Variants in COL25A1 observed in about 807,000 individuals in gnomAD.
COL25A1 encodes collagen type XXV alpha 1 chain, also known as collagen alpha-1(XXV) chain.
COL25A1 carries 103 observed loss-of-function variants against 128.4 expected under a neutral mutation model. The observed-to-expected ratio is 0.80, with a 90% CI of 0.68 to 0.94. COL25A1 has a LOEUF of 0.94. Ranked by LOEUF, COL25A1 falls within the 40% of genes least tolerant of loss-of-function variation. The probability of loss-of-function intolerance (pLI) is 0.00; values close to 1 mark genes in which losing one functional copy is unlikely to be tolerated. For synonymous variants in COL25A1, 279 were observed against 277.2 expected (o/e 1.01, Z -0.06); for missense variants, 745 against 840.0 (o/e 0.89, Z 1.40).
rs114478677 is a variant in COL25A1 at position 109,019,887 on chromosome 4, C to T, written c.421-9512G>A. On this transcript the variant is annotated intron_variant, in intron 5 of 37. Transcript: ENST00000399132. The stretch of plus-strand genomic sequence containing the variant: ...GAGAAGCACGAAAGTTCCATATTGA[C>T]GAAAAATTACTTTCTAGTTTGATTT... Among the ~76,000 whole-genome samples the T allele has an allele frequency of 7.2e-3, 1,102 of 152,188 alleles. 10 individuals are homozygous for T. Among genetic ancestry groups the T allele is most frequent in the Non-Finnish European group, 9.9e-3 (670 of 68,008 alleles).
chr4:109,003,013 A>C (rs987510384), intron 6 of COL25A1, among the ~76,000 whole-genome samples: 17 of 152,102 alleles, frequency 1.1e-4, no homozygotes, highest in African/African-American at 4.1e-4. Context: ...CCCACTTATG[A>C]GTGAGGACAT....
chr4:109,087,865 C>T (rs982629310), intron 3 of COL25A1, among the ~76,000 whole-genome samples: 7 of 151,970 alleles, frequency 4.6e-5, no homozygotes, highest in African/African-American at 1.4e-4. Flanking sequence ...GAGATATACA[C>T]TGTTCTGTGA....
intron 3 of COL25A1, among the ~76,000 whole-genome samples, chr4:109,168,444 A>G (rs1268538730): frequency 6.6e-6 from 1 of 152,218 alleles, no homozygotes; most frequent in Non-Finnish European, 1.5e-5. Flanking sequence ...ATAAGTTATG[A>G]TTCTTCCTTT....
chr4:108,971,497 G>T (rs1233248554), intron 8 of COL25A1, among the ~76,000 whole-genome samples: 1 of 152,202 alleles, frequency 6.6e-6, no homozygotes. Context: ...AAGTTTCAAT[G>T]ATAAGAAGAA....
At chr4:109,282,405 G>A (rs1166393809) in intron 3 of COL25A1, among the ~76,000 whole-genome samples, 1 of 152,116 alleles carries the variant, frequency 6.6e-6, no homozygotes, top group Non-Finnish European at 1.5e-5. Flanking sequence ...AATGGAGCCA[G>A]TAGCAGAAGT....
chr4:108,910,825 T>A (rs1257727818), intron 13 of COL25A1, among the ~76,000 whole-genome samples: 1 of 152,210 alleles, frequency 6.6e-6, no homozygotes, highest in Non-Finnish European at 1.5e-5. Flanking sequence ...CAGCAGTTAA[T>A]AAACACTGGA....
chr4:108,874,764 G>A (rs1739231020), intron 19 of COL25A1, among the ~76,000 whole-genome samples: 2 of 152,290 alleles, frequency 1.3e-5, no homozygotes, highest in South Asian at 4.1e-4. Flanking sequence ...TAAGAAAAAT[G>A]AGGGAAAGAC....
At chr4:108,934,637 T>G (rs1266680116) in intron 11 of COL25A1, among the ~76,000 whole-genome samples, 1 of 152,160 alleles carries the variant, frequency 6.6e-6, no homozygotes, top group Non-Finnish European at 1.5e-5. Flanking sequence ...AAAGATAGAT[T>G]TTTAGATTGG....
rs147991309 is a variant in COL25A1, at chr4:109,043,263, CA to C, written c.420+4904del. Among the ~76,000 whole-genome samples the C allele has an allele frequency of 5.4e-3, 818 of 152,186 alleles. 9 individuals are homozygous for C. The highest frequency in any genetic ancestry group is 0.019 in the African/African-American group (782 of 41,532). ...ACACAATTTGACTTAAAAATCTTAT[CA>C]TTTTTTTCATTATGAAGTAAAGGTA... On this transcript the variant is annotated intron_variant, in intron 5 of 37. Transcript: ENST00000399132.
At chr4:108,859,965 T>TA (rs138386690) in intron 23 of COL25A1, among the ~76,000 whole-genome samples, 5,249 of 152,282 alleles carry the variant, frequency 0.034, 307 homozygotes, top group African/African-American at 0.12. Context: ...TGAAATCTGA[T>TA]AAAAAATACG....
intron 3 of COL25A1, among the ~76,000 whole-genome samples, chr4:109,096,474 G>A (rs939258135): frequency 7.8e-6 from 1 of 127,812 alleles, no homozygotes; most frequent in African/African-American, 3.1e-5. Flanking sequence ...GTAACATGCT[G>A]TACAGGTTGG....
chr4:109,178,687 T>C (rs1348562977), intron 3 of COL25A1, among the ~76,000 whole-genome samples: 1 of 151,582 alleles, frequency 6.6e-6, no homozygotes, highest in Non-Finnish European at 1.5e-5. Context: ...ACAAAAAAAT[T>C]AGCCAGGTGT....
chr4:108,861,424 G>T (rs1183869046), intron 22 of COL25A1, among the ~76,000 whole-genome samples: 2 of 152,146 alleles, frequency 1.3e-5, no homozygotes, highest in Non-Finnish European at 1.5e-5. Context: ...TCATTCTAGG[G>T]AGAATTAGGA....
At chr4:109,125,451 C>A (rs1768505031) in intron 3 of COL25A1, among the ~76,000 whole-genome samples, 1 of 152,114 alleles carries the variant, frequency 6.6e-6, no homozygotes, top group South Asian at 2.1e-4. Context: ...TTTTCATGCT[C>A]ACACTGAACC....
chr4:109,233,386 T>C (rs1237536307), intron 3 of COL25A1, among the ~76,000 whole-genome samples: 1 of 152,306 alleles, frequency 6.6e-6, no homozygotes, highest in East Asian at 1.9e-4. Context: ...ACTGTCATAT[T>C]CATTCTGATC....
chr4:108,952,237 T>C (rs1225265273), intron 8 of COL25A1, among the ~76,000 whole-genome samples: 4 of 152,298 alleles, frequency 2.6e-5, no homozygotes, highest in Non-Finnish European at 4.4e-5. Context: ...TGATCAATTA[T>C]CTGGTATACA....
intron 3 of COL25A1, among the ~76,000 whole-genome samples, chr4:109,051,421 T>C (rs1328034133): frequency 6.6e-6 from 1 of 152,168 alleles, no homozygotes; most frequent in Non-Finnish European, 1.5e-5. Context: ...GAATAAGCTT[T>C]GTAGCAAAGT....
At chr4:109,014,224 T>C (rs1457863817) in intron 5 of COL25A1, among the ~76,000 whole-genome samples, 1 of 152,106 alleles carries the variant, frequency 6.6e-6, no homozygotes, top group Non-Finnish European at 1.5e-5. Context: ...AGAGAATCAC[T>C]TGAGTCCGGG....
chr4:109,194,887 T>C (rs1775901258), intron 3 of COL25A1, among the ~76,000 whole-genome samples: 1 of 152,138 alleles, frequency 6.6e-6, no homozygotes, highest in Non-Finnish European at 1.5e-5. Flanking sequence ...CACCCTCCCA[T>C]CAAAACATTG....
Sources: allele counts gnomAD v4.1 joint callset (sites outside exome capture counted in the v4.1 genomes callset), GRCh38; gene constraint gnomAD v4.1.1; transcripts MANE v1.5; gene names NCBI Gene and HGNC (gene_info 2026-07-23, HGNC 2026-07-21).